SPIDR: variants seen among roughly 807,000 people sequenced by gnomAD.
The protein encoded by SPIDR is DNA repair-scaffolding protein.
In SPIDR, 93 loss-of-function variants were observed where a neutral mutation model predicts 104.6. That is an observed-to-expected ratio of 0.89 (90% CI 0.75 to 1.06). The LOEUF is 1.06. Ranked by LOEUF, SPIDR falls within the 50% of genes least tolerant of loss-of-function variation. The probability of loss-of-function intolerance (pLI) is 0.00; values close to 1 mark genes in which losing one functional copy is unlikely to be tolerated. For synonymous variants in SPIDR, 431 were observed against 416.9 expected (o/e 1.03, Z -0.41); for missense variants, 1,154 against 1,111.2 (o/e 1.04, Z -0.55).
intron 5 of SPIDR, among the ~76,000 whole-genome samples, chr8:47,371,613 A>T (rs1217261484): frequency 6.6e-6 from 1 of 151,760 alleles, no homozygotes; most frequent in Non-Finnish European, 1.5e-5. Flanking sequence ...CAAAGGCCTC[A>T]CCTCCACGTT....
At chr8:47,426,434 T>C (rs578025175) in intron 7 of SPIDR, among the ~76,000 whole-genome samples, 82 of 152,180 alleles carry the variant, frequency 5.4e-4, no homozygotes, top group African/African-American at 1.8e-3. Flanking sequence ...TGTTCCTTAC[T>C]ACTTTCATTC....
chr8:47,336,296 C>A (rs1554609170), intron 5 of SPIDR, among the ~76,000 whole-genome samples: 1 of 152,148 alleles, frequency 6.6e-6, no homozygotes, highest in Non-Finnish European at 1.5e-5. Flanking sequence ...ACAAGTTTTT[C>A]TGTGAACATA....
chr8:47,539,942 T>A (rs910535046), intron 8 of SPIDR, among the ~76,000 whole-genome samples: 2 of 152,108 alleles, frequency 1.3e-5, no homozygotes, highest in Admixed American at 6.6e-5. Flanking sequence ...AACCCAACTT[T>A]TAAAGAAAGA....
chr8:47,547,408 T>C (rs1224116749), intron 8 of SPIDR: 2 of 275,676 alleles, frequency 7.3e-6, no homozygotes, highest in Admixed American at 8.4e-5. Context: ...GCAAATCTTC[T>C]CTTTTTTTGT....
At chr8:47,579,536 G>A (rs1446778137) in intron 8 of SPIDR, among the ~76,000 whole-genome samples, 1 of 152,130 alleles carries the variant, frequency 6.6e-6, no homozygotes, top group East Asian at 1.9e-4. Context: ...ATTTAAATAT[G>A]ATTAGCTACA....
At chr8:47,314,037 C>G (rs903915176) in intron 5 of SPIDR, among the ~76,000 whole-genome samples, 3 of 152,172 alleles carry the variant, frequency 2.0e-5, no homozygotes, top group Non-Finnish European at 4.4e-5. Context: ...TTCCCCACTC[C>G]ATTAAGAAAT....
chr8:47,327,104 A>G (rs986631439), intron 5 of SPIDR, among the ~76,000 whole-genome samples: 2 of 152,112 alleles, frequency 1.3e-5, no homozygotes, highest in Non-Finnish European at 1.5e-5. Flanking sequence ...CAGCACTTAC[A>G]TTATGGTCTC....
chr8:47,571,436 C>T (rs1292991980), intron 8 of SPIDR, among the ~76,000 whole-genome samples: 1 of 151,714 alleles, frequency 6.6e-6, no homozygotes, highest in Non-Finnish European at 1.5e-5. Context: ...CAATAAAGCT[C>T]AGGGGGAGGA....
intron 8 of SPIDR, among the ~76,000 whole-genome samples, chr8:47,545,469 T>C (rs1422560559): frequency 6.6e-6 from 1 of 152,174 alleles, no homozygotes; most frequent in African/African-American, 2.4e-5. Context: ...TAATTGATTT[T>C]TGTGTGTTGA....
chr8:47,607,170 AT>A (rs1386294333), intron 10 of SPIDR, among the ~76,000 whole-genome samples: 1 of 152,116 alleles, frequency 6.6e-6, no homozygotes, highest in Non-Finnish European at 1.5e-5. Context: ...TGATTTGAAT[AT>A]TTTTTATTGT....
At chr8:47,474,206 T>C (rs1349783235) in intron 8 of SPIDR, among the ~76,000 whole-genome samples, 4 of 152,238 alleles carry the variant, frequency 2.6e-5, no homozygotes, top group African/African-American at 9.6e-5. Context: ...GGTCCTGTCT[T>C]TCTATATATT....
At chr8:47,583,001 G>T (rs567762610) in intron 8 of SPIDR, among the ~76,000 whole-genome samples, 53 of 151,890 alleles carry the variant, frequency 3.5e-4, no homozygotes, top group Non-Finnish European at 6.0e-4. Flanking sequence ...GTTTATTTGT[G>T]TGTGTAACTC....
At chr8:47,501,902 C>G (rs1258280776) in intron 8 of SPIDR, among the ~76,000 whole-genome samples, 1 of 152,108 alleles carries the variant, frequency 6.6e-6, no homozygotes, top group Admixed American at 6.5e-5. Flanking sequence ...TTCAGATAAT[C>G]ATATGGTTTT....
At chr8:47,630,380 G>A (rs1423782731) in intron 10 of SPIDR, among the ~76,000 whole-genome samples, 1 of 152,192 alleles carries the variant, frequency 6.6e-6, no homozygotes, top group Non-Finnish European at 1.5e-5. Flanking sequence ...CAAAATTCCG[G>A]TGCCAGCTCT....
chr8:47,408,228 T>G (rs1204894275), intron 7 of SPIDR, among the ~76,000 whole-genome samples: 3 of 152,184 alleles, frequency 2.0e-5, no homozygotes, highest in African/African-American at 7.2e-5. Context: ...GTTCTATTCT[T>G]ATCATTAAGA....
chr8:47,539,332 A>G (rs568826430), intron 8 of SPIDR, among the ~76,000 whole-genome samples: 9 of 152,284 alleles, frequency 5.9e-5, no homozygotes, highest in African/African-American at 2.2e-4. Context: ...TTCTTACATC[A>G]TTAAAAGGCA....
rs111460446 is a variant in SPIDR, at chr8:47,343,964, C to CT, written c.525+49945dup. Among the ~76,000 whole-genome samples the CT allele has an allele frequency of 9.2e-4, 134 of 145,130 alleles. 1 individual carries two copies. The highest frequency in any genetic ancestry group is 3.5e-3 in the Middle Eastern group (1 of 282). On this transcript the variant is annotated intron_variant, in intron 5 of 19. Transcript: ENST00000297423. Reference sequence around the variant, plus strand: ...ATTTTATGTATTTTGTTGGCTTTTTCTTTTTTTTTTTATTATTATTATACG... The same window carrying CT: ...ATTTTATGTATTTTGTTGGCTTTTTCTTTTTTTTTTTTATTATTATTATACG...
intron 8 of SPIDR, among the ~76,000 whole-genome samples, chr8:47,539,686 A>T (rs1475163720): frequency 6.6e-6 from 1 of 151,918 alleles, no homozygotes; most frequent in Non-Finnish European, 1.5e-5. Flanking sequence ...GACAGTATTC[A>T]GTCCTGGGAA....
At chr8:47,543,740 G>GA (rs1425458492) in intron 8 of SPIDR, among the ~76,000 whole-genome samples, 1 of 152,182 alleles carries the variant, frequency 6.6e-6, no homozygotes, top group Non-Finnish European at 1.5e-5. Context: ...AGGTGAAACA[G>GA]AGGACCTGAA....
Sources: allele counts gnomAD v4.1 joint callset (sites outside exome capture counted in the v4.1 genomes callset), GRCh38; gene constraint gnomAD v4.1.1; transcripts MANE v1.5; gene names NCBI Gene and HGNC (gene_info 2026-07-23, HGNC 2026-07-21).